Variants in EIF2B2 observed in about 807,000 individuals in gnomAD.
EIF2B2 encodes the protein translation initiation factor eIF2B subunit beta.
A neutral mutation model predicts 34.7 loss-of-function variants in EIF2B2; 34 were observed. The ratio of observed to expected loss-of-function variants is 0.98; its 90% CI spans 0.75 to 1.31. The LOEUF (loss-of-function observed/expected upper bound fraction) is 1.31, where lower values mean the gene tolerates loss of function less well. Ranked by LOEUF, EIF2B2 falls within the 50% of genes most tolerant of loss-of-function variation. The pLI is 0.00. For missense variants in EIF2B2, 361 were observed against 447.7 expected (o/e 0.81, Z 1.75); for synonymous variants, 155 against 171.6 (o/e 0.90, Z 0.76).
chr14:75,006,209 G>A lies in EIF2B2; in HGVS notation c.693+248G>A. ...AGAATGAAGTATTAAATAGAACTAA[G>A]GCAAGAGTGTCAGTTTCTAGGGATT... On this transcript the variant is annotated intron_variant, in intron 5 of 7. Coordinates refer to ENST00000266126, the MANE Select transcript of EIF2B2 (RefSeq NM_014239.4). This position sits in a 1 kb window ranked among gnomAD's most constrained non-coding sequence, Gnocchi z 4.1. The A allele has an allele frequency of 1.9e-6, 1 of 517,336 alleles. No individual in the cohort carries two copies. The highest frequency in any genetic ancestry group is 3.5e-6 in the Non-Finnish European group (1 of 287,498). The allele number at this position is 517,336 out of a possible 1,614,324, so 32.0% of individuals were successfully genotyped here. A position where few individuals can be genotyped will look rare whatever the true frequency, so the allele number is the denominator to read the frequency against.
chr14:75,008,762 G>A (rs1353254824), intron 7 of EIF2B2, among the ~76,000 whole-genome samples: 1 of 152,184 alleles, frequency 6.6e-6, no homozygotes, highest in Non-Finnish European at 1.5e-5. Flanking sequence ...GGTCCAAATT[G>A]TAATTCATGT....
chr14:75,007,428 G>A, intron 6 of EIF2B2: 1 of 365,210 alleles, frequency 2.7e-6, no homozygotes, highest in East Asian at 6.8e-5. Context: ...GTGACATGTT[G>A]TGCCTGACTT....
chr14:75,007,657 C>G, intron 6 of EIF2B2, 65 bp from the exon 7 acceptor site: 1 of 1,319,002 alleles, frequency 7.6e-7, no homozygotes, highest in Non-Finnish European at 1.1e-6. Context: ...GTTTTCATCT[C>G]TAGGGTACAT....
Position 75,003,611 on chromosome 14 carries a change from C to A in EIF2B2, c.345C>A (p.Ser115=). The change falls in exon 3 of 8, where the codon TCC becomes TCA. Residue 115 remains serine, a synonymous_variant. Transcript: ENST00000266126. ...QQESLHKLLT[S]GGLNEDFSFH... is the part of the protein sequence containing the mutation. ...AGTCCCTGCACAAACTGTTGACATC[C>A]GGAGGCCTAAACGAGGATTTCAGCT... 1.2e-6 allele frequency: 2 copies of A among 1,614,166 alleles called. No homozygotes were observed. Among genetic ancestry groups the A allele is most frequent in the Non-Finnish European group, 1.7e-6 (2 of 1,180,028 alleles).
At position 75,006,204 on chromosome 14, in the gene EIF2B2, A is replaced by G. The variant is rs1889623954; in HGVS notation, c.693+243A>G. 1 of 518,488 alleles carries G rather than the reference A, an allele frequency of 1.9e-6. No homozygotes were observed. The highest frequency in any genetic ancestry group is 1.9e-5 in the African/African-American group (1 of 52,168). The allele number at this position is 518,488 out of a possible 1,614,324, so 32.1% of individuals were successfully genotyped here. On this transcript the variant is annotated intron_variant, in intron 5 of 7. Coordinates refer to ENST00000266126, the MANE Select transcript of EIF2B2 (RefSeq NM_014239.4). The surrounding 1 kb of genome is among the most constrained non-coding windows in gnomAD (Gnocchi z 4.1). ...TGAAAAGAATGAAGTATTAAATAGA[A>G]CTAAGGCAAGAGTGTCAGTTTCTAG... is the stretch of plus-strand genomic sequence containing the variant.
rs1889676491 is a variant in EIF2B2, at chr14:75,009,577, C to A, written c.*389C>A. On this transcript the variant is annotated 3_prime_UTR_variant, in exon 8 of 8. Transcript: ENST00000266126. ...TTTTCTAGGCTCTACCAATAAAAGC[C>A]ACTTGAAGGTTCCATAGTTGGTTTA... The A allele has an allele frequency of 3.3e-6, 1 of 306,582 alleles. No homozygotes were observed. The highest frequency in any genetic ancestry group is 2.2e-5 in the African/African-American group (1 of 46,036). 19.0% of individuals were successfully genotyped at this position (306,582 alleles called of 1,614,324 possible). A position where few individuals can be genotyped will look rare whatever the true frequency, so the allele number is the denominator to read the frequency against.
In EIF2B2 at chr14:75,006,524, C is replaced by G; in HGVS notation, c.694-53C>G. 1 of 1,608,612 alleles carries G rather than the reference C, an allele frequency of 6.2e-7. No individual in the cohort carries two copies. The highest frequency in any genetic ancestry group is 8.5e-7 in the Non-Finnish European group (1 of 1,179,706). On this transcript the variant is annotated intron_variant, in intron 5 of 7. Transcript: ENST00000266126. The surrounding 1 kb of genome is among the most constrained non-coding windows in gnomAD (Gnocchi z 4.1). ...CATTTAGCTTTTTGTGGCCAGTGGC[C>G]CTTTTAGGGCTCCACCCCCAGGATG... is the stretch of plus-strand genomic sequence containing the variant.
rs560892827 is a variant in EIF2B2 at position 75,009,254 on chromosome 14, G to T, written c.*66G>T. ...AGAATGAAGAGGAGACTTGAGTGTTGCTGCTGAAGCACATCCTTGCAATGT... is the reference window on the plus strand; with the variant it reads ...AGAATGAAGAGGAGACTTGAGTGTTTCTGCTGAAGCACATCCTTGCAATGT... On this transcript the variant is annotated 3_prime_UTR_variant, in exon 8 of 8. Coordinates refer to ENST00000266126, the MANE Select transcript of EIF2B2 (RefSeq NM_014239.4). The T allele has an allele frequency of 3.5e-5, 55 of 1,590,476 alleles. 1 individual carries two copies. In the African/African-American group the frequency reaches 5.6e-4, roughly 16 times the overall value.
chr14:75,009,841 A>G lies in EIF2B2; in HGVS notation c.*653A>G, dbSNP rs1328147269. 2 of 153,938 alleles carry G rather than the reference A, an allele frequency of 1.3e-5. No individual in the cohort carries two copies. The highest frequency in any genetic ancestry group is 6.4e-5 in the Admixed American group (1 of 15,638). 9.5% of individuals were successfully genotyped at this position (153,938 alleles called of 1,614,324 possible). A position where few individuals can be genotyped will look rare whatever the true frequency, so the allele number is the denominator to read the frequency against. On this transcript the variant is annotated 3_prime_UTR_variant, in exon 8 of 8. Coordinates refer to ENST00000266126, the MANE Select transcript of EIF2B2 (RefSeq NM_014239.4). ...AACATAGCAAGATCCTGTCTCTACA[A>G]AAAAATATTTTAAAAAATTAGCCAG...
At position 75,009,323 on chromosome 14, in the gene EIF2B2, G is replaced by C; in HGVS notation, c.*135G>C. Reference sequence around the variant, plus strand: ...ACCTAAAAAAAAAATCCTTGATACTGTTGCCTGCCTTTTTAGTCACCCCGT... The same window carrying C: ...ACCTAAAAAAAAAATCCTTGATACTCTTGCCTGCCTTTTTAGTCACCCCGT... On this transcript the variant is annotated 3_prime_UTR_variant, in exon 8 of 8. Coordinates refer to ENST00000266126, the MANE Select transcript of EIF2B2 (RefSeq NM_014239.4). 9.2e-7 allele frequency: 1 copy of C among 1,092,312 alleles called. No homozygotes were observed. The highest frequency in any genetic ancestry group is 1.3e-5 in the South Asian group (1 of 79,110). 67.7% of individuals were successfully genotyped at this position (1,092,312 alleles called of 1,614,324 possible).
chr14:75,005,283 A>G (rs1335821859), intron 4 of EIF2B2, among the ~76,000 whole-genome samples: 1 of 152,064 alleles, frequency 6.6e-6, no homozygotes, highest in Non-Finnish European at 1.5e-5. Context: ...AGGGTGAGGC[A>G]GGAGAATTGC....
Position 75,006,474 on chromosome 14 carries a change from C to G in EIF2B2, c.694-103C>G, listed in dbSNP as rs1889627459. 6.4e-5 allele frequency: 100 copies of G among 1,551,394 alleles called. No individual in the cohort carries two copies. The highest frequency in any genetic ancestry group is 8.5e-5 in the Non-Finnish European group (97 of 1,139,810). ...TCACCTCTACCAGTCTGTGACCCCT[C>G]ACGATACCAATTCTGAGGTCTAAGC... On this transcript the variant is annotated intron_variant, in intron 5 of 7. Transcript: ENST00000266126. The surrounding 1 kb of genome is among the most constrained non-coding windows in gnomAD (Gnocchi z 4.1).
chr14:75,003,143 G>C lies in EIF2B2; in HGVS notation c.153G>C (p.Trp51Cys), dbSNP rs1385281334. 1 of 1,613,454 alleles carries C rather than the reference G, an allele frequency of 6.2e-7. No individual in the cohort carries two copies. The highest frequency in any genetic ancestry group is 2.2e-5 in the East Asian group (1 of 44,876). Reference protein sequence around the residue: ...LLRQIITDHRWSNAGELMELI... With the variant: ...LLRQIITDHRCSNAGELMELI... ...GCCAGATCATCACGGACCACCGCTG[G>C]AGCAACGCGGGTGAGGCCGGCCTGC... Residue 51 changes from tryptophan to cysteine, a missense_variant, in exon 1 of 8, where the codon TGG (tryptophan) becomes TGC (cysteine). Transcript: ENST00000266126.
intron 4 of EIF2B2, among the ~76,000 whole-genome samples, chr14:75,005,376 CAAA>C (rs533192742): frequency 1.8e-5 from 2 of 113,894 alleles, no homozygotes; most frequent in African/African-American, 3.3e-5. Context: ...GACTCTGTCT[CAAA>C]AAAAAAAAAA....
chr14:75,003,335 A>C lies in EIF2B2; in HGVS notation c.224A>C (p.Glu75Ala). Residue 75 changes from glutamate (E) to alanine (A), a missense_variant, in exon 2 of 8, where the codon GAG becomes GCG. By Grantham distance (107) the Glu-to-Ala change is moderately radical. Transcript: ENST00000266126. ...GRRMTAAQPS[E>A]TTVGNMVRRV... ...AGGATGACGGCCGCTCAGCCCTCCG[A>C]GACCACCGTGGGCAACATGGTGCGG... The C allele has an allele frequency of 6.2e-7, 1 of 1,613,900 alleles. No individual in the cohort carries two copies. The highest frequency in any genetic ancestry group is 8.5e-7 in the Non-Finnish European group (1 of 1,179,980).
chr14:75,005,963 T>C lies in EIF2B2; in HGVS notation c.693+2T>C, dbSNP rs747327917. The C allele has an allele frequency of 1.2e-6, 2 of 1,608,732 alleles. No individual in the cohort carries two copies. Among genetic ancestry groups the C allele is most frequent in the Non-Finnish European group, 1.7e-6 (2 of 1,175,358 alleles). On this transcript the variant is annotated splice_donor_variant, in intron 5 of 7. Transcript: ENST00000266126. LOFTEE classifies it high-confidence loss of function. The stretch of plus-strand genomic sequence containing the variant: ...GCCGTTATGTCAAGAGTCAACAAGG[T>C]GGGTATATCTGGAGTTATGTTGAAT...
At chr14:75,008,951 C>G in intron 7 of EIF2B2, 80 bp from the exon 8 acceptor site, 1 of 1,594,966 alleles carries the variant, frequency 6.3e-7, no homozygotes, top group South Asian at 1.1e-5. Flanking sequence ...CCTGCATTCT[C>G]GAGCCTGGAA....
At chr14:75,005,764 T>TA (rs1889617810) in intron 4 of EIF2B2, 102 bp from the exon 5 acceptor site, 1 of 865,684 alleles carries the variant, frequency 1.2e-6, no homozygotes, top group South Asian at 1.3e-5. Context: ...ATGTGCTGGA[T>TA]ATGCCCATAT....
rs1206343372 is a variant in EIF2B2 at position 75,003,106 on chromosome 14, T to A, written c.116T>A (p.Leu39Gln). 3 of 1,613,408 alleles carry A rather than the reference T, an allele frequency of 1.9e-6. No homozygotes were observed. The Admixed American group carries it at 5.0e-5, about 27-fold the overall frequency. Residue 39 changes from leucine to glutamine, a missense_variant, in exon 1 of 8, where the codon CTA becomes CAA. Leu to Gln is a moderately radical substitution (Grantham distance 113). Coordinates refer to ENST00000266126, the MANE Select transcript of EIF2B2 (RefSeq NM_014239.4). ...RSSEEMARET[L>Q]GLLRQIITDH... ...TCCGAGGAAATGGCTCGGGAGACCCTAGGGTTGCTGCGCCAGATCATCACG... is the reference window on the plus strand; with the variant it reads ...TCCGAGGAAATGGCTCGGGAGACCCAAGGGTTGCTGCGCCAGATCATCACG...
Sources: gnomAD v4.1 joint callset for allele counts (sites outside exome capture counted in the v4.1 genomes callset) on GRCh38, gnomAD v4.1.1 for gene constraint, Gnocchi (gnomAD v3.1) non-coding constraint, MANE v1.5 for transcripts, NCBI Gene and HGNC (gene_info 2026-07-23, HGNC 2026-07-21) for gene names.